SORCS3: variants seen among roughly 807,000 people sequenced by gnomAD.
The protein encoded by SORCS3 is VPS10 domain-containing receptor SorCS3.
A neutral mutation model predicts 146.3 loss-of-function variants in SORCS3; 57 were observed. That is an observed-to-expected ratio of 0.39 (90% CI 0.31 to 0.49). SORCS3 has a LOEUF of 0.49. SORCS3 is among the 20% of genes least tolerant of loss of function. The pLI is 0.92. For missense variants in SORCS3, 1,341 were observed against 1,575.5 expected (o/e 0.85, Z 2.52); for synonymous variants, 653 against 618.5 (o/e 1.06, Z -0.83).
chr10:104,728,943 T>A (rs1444579721), intron 1 of SORCS3, among the ~76,000 whole-genome samples: 1 of 152,080 alleles, frequency 6.6e-6, no homozygotes, highest in Non-Finnish European at 1.5e-5. Context: ...AACAATTACA[T>A]CCCAGGCCAG....
At chr10:104,852,159 G>A (rs1158907800) in intron 2 of SORCS3, among the ~76,000 whole-genome samples, 3 of 152,104 alleles carry the variant, frequency 2.0e-5, no homozygotes, top group Non-Finnish European at 4.4e-5. Context: ...ACATGAATAC[G>A]GGACAGTTCT....
rs139817813 is a variant in SORCS3 at position 105,168,322 on chromosome 10, A to AGAT, written c.1901+988_1901+990dup. 3.3e-5 allele frequency among the ~76,000 whole-genome samples: 5 copies of AGAT among 152,266 alleles called. No homozygotes were observed. In the East Asian group the frequency reaches 5.8e-4, roughly 18 times the overall value. The stretch of plus-strand genomic sequence containing the variant: ...CACAAGGACAGAGTTGAATGAGAAT[A>AGAT]GATGATGATGATGATGACGACGATG... On this transcript the variant is annotated intron_variant, in intron 13 of 26. Coordinates refer to ENST00000369701, the MANE Select transcript of SORCS3 (RefSeq NM_014978.3).
chr10:105,147,737 A>G lies in SORCS3; in HGVS notation c.1423A>G (p.Met475Val). The G allele has an allele frequency of 6.2e-7, 1 of 1,613,142 alleles. No individual in the cohort carries two copies. Among genetic ancestry groups the G allele is most frequent in the Non-Finnish European group, 8.5e-7 (1 of 1,179,318 alleles). Residue 475 changes from methionine to valine, a missense_variant, in exon 9 of 27, where the codon ATG (methionine) becomes GTG (valine). Physicochemically the swap from Met to Val is conservative, Grantham distance 21. Transcript: ENST00000369701. Reference sequence around the variant, plus strand: ...GCGTGGGATTTACTTCACTCTGGCCATGGAGAACATCAAGAGCAGCAGAGG... The same window carrying G: ...GCGTGGGATTTACTTCACTCTGGCCGTGGAGAACATCAAGAGCAGCAGAGG... ...DTRGIYFTLA[M>V]ENIKSSRGLM... is the part of the protein sequence containing the mutation.
rs186780518 is a variant in SORCS3, at chr10:105,164,232, C to G, written c.1733-71C>G. 27 of 1,131,288 alleles carry G rather than the reference C, an allele frequency of 2.4e-5. No homozygotes were observed. In the East Asian group the frequency reaches 5.9e-4, roughly 25 times the overall value. The allele number at this position is 1,131,288 out of a possible 1,614,324, so 70.1% of individuals were successfully genotyped here. The stretch of plus-strand genomic sequence containing the variant: ...TAGAAAACCTTTACTCTCTGCTCCC[C>G]CATCCCTCAGCCCTAAGCACACTTA... On this transcript the variant is annotated intron_variant, in intron 11 of 26. Coordinates refer to ENST00000369701, the MANE Select transcript of SORCS3 (RefSeq NM_014978.3).
In SORCS3 at chr10:105,091,475, CTCCT is replaced by C. The variant is rs368946440; in HGVS notation, c.1093+1648_1093+1651del. Among the ~76,000 whole-genome samples, 180 of 83,330 alleles carry C rather than the reference CTCCT, an allele frequency of 2.2e-3. 10 individuals carry two copies. The highest frequency in any genetic ancestry group is 6.6e-3 in the African/African-American group (149 of 22,532). 54.7% of individuals were successfully genotyped at this position (83,330 alleles called of 152,430 possible). A position where few individuals can be genotyped will look rare whatever the true frequency, so the allele number is the denominator to read the frequency against. Reference sequence around the variant, plus strand: ...CCTTCCTCCCTCCCTCCCTCCTTCCCTCCTTCCTTCCTTCCCTCCTTCCTTCCTT... The same window carrying C: ...CCTTCCTCCCTCCCTCCCTCCTTCCCTCCTTCCTTCCCTCCTTCCTTCCTT... On this transcript the variant is annotated intron_variant, in intron 6 of 26. Transcript: ENST00000369701.
At chr10:104,825,645 C>T (rs773009908) in intron 1 of SORCS3, among the ~76,000 whole-genome samples, 86 of 152,092 alleles carry the variant, frequency 5.7e-4, no homozygotes, top group Middle Eastern at 3.2e-3. Flanking sequence ...CCTAATGGTA[C>T]ACCTTTGGAG....
intron 1 of SORCS3, among the ~76,000 whole-genome samples, chr10:104,730,146 G>T (rs2016689472): frequency 6.6e-6 from 1 of 152,170 alleles, no homozygotes; most frequent in South Asian, 2.1e-4. Context: ...GAGAAGAGTG[G>T]ACGTCAGAGC....
chr10:105,247,088 G>A (rs1009785585), intron 21 of SORCS3, 131 bp from the exon 22 acceptor site: 9 of 462,304 alleles, frequency 1.9e-5, no homozygotes, highest in Admixed American at 4.0e-5. Flanking sequence ...TGAGAACAAG[G>A]AATTCTAGCA....
chr10:104,949,155 A>AC (rs2019403077), intron 3 of SORCS3, among the ~76,000 whole-genome samples: 1 of 151,880 alleles, frequency 6.6e-6, no homozygotes, highest in Non-Finnish European at 1.5e-5. Context: ...CATAATCACC[A>AC]CCCCACTCCA....
At chr10:105,142,240 G>A (rs551188572) in intron 8 of SORCS3, among the ~76,000 whole-genome samples, 36 of 152,278 alleles carry the variant, frequency 2.4e-4, no homozygotes, top group Admixed American at 5.2e-4. Flanking sequence ...CAGGTTGAAA[G>A]TAAAAATGTT....
intron 4 of SORCS3, among the ~76,000 whole-genome samples, chr10:105,038,361 A>G (rs542498584): frequency 2.2e-4 from 33 of 152,366 alleles, no homozygotes. Flanking sequence ...CATTGCCTGT[A>G]TAAGGAAGGA....
At chr10:105,155,741 C>T (rs1390786754) in intron 9 of SORCS3, among the ~76,000 whole-genome samples, 4 of 152,178 alleles carry the variant, frequency 2.6e-5, no homozygotes, top group Non-Finnish European at 5.9e-5. Context: ...GCTCAGACAT[C>T]ATGCCCCTGC....
Position 104,839,315 on chromosome 10 carries a change from G to A in SORCS3, c.628-3477G>A, listed in dbSNP as rs370135530. Among the ~76,000 whole-genome samples, 459 of 152,256 alleles carry A rather than the reference G, an allele frequency of 3.0e-3. 3 individuals are homozygous for A. The highest frequency in any genetic ancestry group is 4.3e-3 in the Admixed American group (66 of 15,278). ...CTTCACAGGAGAGAACATTTTTGAT[G>A]TCTGGGATAATCCTGGGAGGCCACC... On this transcript the variant is annotated intron_variant, in intron 1 of 26. Transcript: ENST00000369701.
At chr10:104,991,290 T>C (rs2054992384) in intron 4 of SORCS3, among the ~76,000 whole-genome samples, 2 of 152,158 alleles carry the variant, frequency 1.3e-5, no homozygotes, top group Admixed American at 1.3e-4. Context: ...ACTGAGTGGC[T>C]TAAACAATAG....
intron 1 of SORCS3, among the ~76,000 whole-genome samples, chr10:104,711,650 G>A (rs1396939015): frequency 6.6e-6 from 1 of 152,234 alleles, no homozygotes; most frequent in Non-Finnish European, 1.5e-5. Flanking sequence ...CCAGCACCAA[G>A]TTGTGGCCCC....
chr10:104,893,472 C>A (rs1225843218), intron 2 of SORCS3, among the ~76,000 whole-genome samples: 1 of 152,170 alleles, frequency 6.6e-6, no homozygotes, highest in African/African-American at 2.4e-5. Flanking sequence ...AGGTAAGGTG[C>A]AGTTCACTCC....
chr10:105,107,040 G>A (rs992198224), intron 7 of SORCS3, among the ~76,000 whole-genome samples: 1 of 152,160 alleles, frequency 6.6e-6, no homozygotes, highest in Non-Finnish European at 1.5e-5. Context: ...GTGACCTCAT[G>A]TACTGCAGCC....
intron 4 of SORCS3, among the ~76,000 whole-genome samples, chr10:105,012,296 G>T (rs1405147355): frequency 1.3e-5 from 2 of 152,140 alleles, no homozygotes; most frequent in Non-Finnish European, 2.9e-5. Flanking sequence ...AGAAAACAAT[G>T]TGAGGAAACT....
chr10:105,216,899 C>T (rs775415034), intron 18 of SORCS3, 37 bp from the exon 19 acceptor site: 6 of 1,608,970 alleles, frequency 3.7e-6, no homozygotes, highest in Non-Finnish European at 5.1e-6. Flanking sequence ...TCTGGCTGGA[C>T]CAAGTAAATT....
Sources: allele counts gnomAD v4.1 joint callset (sites outside exome capture counted in the v4.1 genomes callset), GRCh38; gene constraint gnomAD v4.1.1; transcripts MANE v1.5; gene names NCBI Gene and HGNC (gene_info 2026-07-23, HGNC 2026-07-21).